Variants in H2BC12 observed in about 807,000 individuals in gnomAD.
H2BC12 encodes H2B clustered histone 12, also known as histone H2B type 1-K.
H2BC12 carries 6 observed loss-of-function variants against 6.3 expected under a neutral mutation model. That is an observed-to-expected ratio of 0.95 (90% CI 0.52 to 1.87). The LOEUF (loss-of-function observed/expected upper bound fraction) is 1.87, where lower values mean the gene tolerates loss of function less well. Ranked by LOEUF, H2BC12 falls within the 40% of genes most tolerant of loss-of-function variation. H2BC12 has a pLI of 0.01. For synonymous variants in H2BC12, 132 were observed against 78.5 expected (o/e 1.68, Z -3.60); for missense variants, 119 against 178.4 (o/e 0.67, Z 1.90).
the H2BC12 span, among the ~76,000 whole-genome samples, chr6:27,138,376 G>C: frequency 1.3e-5 from 2 of 152,166 alleles, no homozygotes; most frequent in South Asian, 2.1e-4. Flanking sequence ...GGGTACAGAA[G>C]CTTATATACT....
At chr6:27,139,456 C>G in the H2BC12 span, 2 of 1,614,204 alleles carry the variant, frequency 1.2e-6, no homozygotes, top group Non-Finnish European at 1.7e-6. Context: ...CATTTCTGGC[C>G]TCATCTATGA....
the H2BC12 span, chr6:27,139,331 G>T: frequency 1.9e-6 from 3 of 1,612,544 alleles, no homozygotes; most frequent in Non-Finnish European, 1.7e-6. Context: ...GGCAAAGGAG[G>T]TAAGGGCCTG....
the H2BC12 span, chr6:27,138,976 A>G: frequency 8.9e-6 from 2 of 223,484 alleles, no homozygotes; most frequent in East Asian, 2.0e-4. Context: ...ATAGTTCCAT[A>G]CAAATAATGT....
In H2BC12 at chr6:27,146,380, C is replaced by A. The variant is rs1170823219; in HGVS notation, c.*38G>T. On this transcript the variant is annotated 3_prime_UTR_variant, in exon 1 of 1. Coordinates refer to ENST00000356950, the MANE Select transcript of H2BC12 (RefSeq NM_001312653.2). The stretch of plus-strand genomic sequence containing the variant: ...ATAATTTAAGTGGCTCTTAAAAGAG[C>A]CTTTGGGGTTGGGCTTTAAGACGCT... 1 of 1,613,714 alleles carries A rather than the reference C, an allele frequency of 6.2e-7. No homozygotes were observed. The highest frequency in any genetic ancestry group is 8.5e-7 in the Non-Finnish European group (1 of 1,179,894).
chr6:27,142,658 A>G (rs796084440), downstream of H2BC12, among the ~76,000 whole-genome samples: 7 of 29,704 alleles, frequency 2.4e-4, no homozygotes, highest in African/African-American at 3.7e-3. Context: ...TTTTTTTTTG[A>G]GACAGTCTCG....
the H2BC12 span, chr6:27,139,513 G>GACGCCGTGACCTACACGGAGC: frequency 6.2e-7 from 1 of 1,611,878 alleles, no homozygotes; most frequent in South Asian, 1.1e-5. Context: ...CGTGATCCGG[G>GACGCCGTGACCTACACGGAGC]ACGCCGTGAC....
downstream of H2BC12, among the ~76,000 whole-genome samples, chr6:27,145,856 G>A (rs1562028032): frequency 6.6e-6 from 1 of 152,148 alleles, no homozygotes. Flanking sequence ...TCTTCCCGAT[G>A]TCCCGTGGGC....
At chr6:27,142,631 C>A (rs540428449), downstream of H2BC12, among the ~76,000 whole-genome samples, 3 of 131,554 alleles carry the variant, frequency 2.3e-5, no homozygotes, top group Non-Finnish European at 4.6e-5. Flanking sequence ...TACATTCCCC[C>A]CCTCCTTTTT....
At chr6:27,141,275 G>A in the H2BC12 span, among the ~76,000 whole-genome samples, 2 of 151,836 alleles carry the variant, frequency 1.3e-5, no homozygotes, top group African/African-American at 4.8e-5. Flanking sequence ...GGAAAGTAAT[G>A]CCTAAGATAC....
At chr6:27,142,993 A>G (rs150336607), downstream of H2BC12, among the ~76,000 whole-genome samples, 302 of 152,254 alleles carry the variant, frequency 2.0e-3, 2 homozygotes, top group African/African-American at 6.7e-3. Context: ...TCAGACACAT[A>G]CAATAAAGAC....
chr6:27,139,901 A>C, the H2BC12 span: 1 of 463,826 alleles, frequency 2.2e-6, no homozygotes, highest in Non-Finnish European at 3.9e-6. Flanking sequence ...CGCTCGGATT[A>C]GTTTAGAAAG....
the H2BC12 span, among the ~76,000 whole-genome samples, chr6:27,140,514 GTTGA>G: frequency 0.019 from 2,845 of 152,030 alleles, 87 homozygotes; most frequent in African/African-American, 0.061. Flanking sequence ...TCATTTCTCT[GTTGA>G]TTTTTTTTCC....
chr6:27,139,810 G>A, the H2BC12 span: 1 of 961,604 alleles, frequency 1.0e-6, no homozygotes, highest in Non-Finnish European at 1.5e-6. Flanking sequence ...ACCTTGGGCC[G>A]AGATTTTTCC....
downstream of H2BC12, chr6:27,146,334 G>C: frequency 6.3e-7 from 1 of 1,588,528 alleles, no homozygotes; most frequent in Non-Finnish European, 8.6e-7. Flanking sequence ...TTAGGAACAC[G>C]TGTTTACAGC....
chr6:27,139,481 T>G, the H2BC12 span: 2 of 1,613,404 alleles, frequency 1.2e-6, no homozygotes, highest in African/African-American at 1.3e-5. Flanking sequence ...ACCCGCGGAG[T>G]GTTGAAGGTG....
At chr6:27,145,327 CACACACACACAA>C (rs1390076479), downstream of H2BC12, among the ~76,000 whole-genome samples, 1 of 150,422 alleles carries the variant, frequency 6.6e-6, no homozygotes, top group Non-Finnish European at 1.5e-5. Context: ...CACACACACA[CACACACACACAA>C]AATTCCCCTG....
At chr6:27,141,771 A>G (rs142778673), downstream of H2BC12, among the ~76,000 whole-genome samples, 7 of 152,258 alleles carry the variant, frequency 4.6e-5, no homozygotes, top group African/African-American at 1.4e-4. Context: ...GTCATTTTTC[A>G]TGTTCCAAGC....
At chr6:27,142,419 C>T (rs568389381), downstream of H2BC12, among the ~76,000 whole-genome samples, 5 of 147,992 alleles carry the variant, frequency 3.4e-5, no homozygotes, top group South Asian at 2.2e-4. Flanking sequence ...ATTACAGGTG[C>T]GTACTACCAC....
At chr6:27,144,674 G>A (rs1041643057), downstream of H2BC12, among the ~76,000 whole-genome samples, 7 of 152,092 alleles carry the variant, frequency 4.6e-5, no homozygotes, top group Admixed American at 4.6e-4. Flanking sequence ...ATGTCCATTT[G>A]CAAAAATAGT....
Sources: gnomAD v4.1 joint callset for allele counts (sites outside exome capture counted in the v4.1 genomes callset) on GRCh38, gnomAD v4.1.1 for gene constraint, MANE v1.5 for transcripts, NCBI Gene and HGNC (gene_info 2026-07-23, HGNC 2026-07-21) for gene names.